The following FMNL3 variants were observed in gnomAD, a reference collection of about 807,000 sequenced individuals.
FMNL3 encodes the protein formin-like protein 3.
In FMNL3, 57 loss-of-function variants were observed where a neutral mutation model predicts 119.6. The observed-to-expected ratio is 0.48, with a 90% CI of 0.39 to 0.59. The LOEUF is 0.59. Among genes scored for constraint, FMNL3 ranks in the 20% least tolerant of loss-of-function variants. The probability of loss-of-function intolerance (pLI) is 0.00; values close to 1 mark genes in which losing one functional copy is unlikely to be tolerated. For missense variants in FMNL3, 1,053 were observed against 1,323.5 expected, an observed-to-expected ratio of 0.80 and a Z score of 3.17; for synonymous variants, 491 against 507.3, an observed-to-expected ratio of 0.97 and a Z score of 0.43.
chr12:49,666,075 C>T (rs530825357), intron 3 of FMNL3, 52 bp downstream of exon 3: 37 of 1,588,168 alleles, frequency 2.3e-5, no homozygotes, highest in Non-Finnish European at 3.0e-5. Context: ...CCCCCAAACC[C>T]CACAGGACTA....
intron 1 of FMNL3, among the ~76,000 whole-genome samples, chr12:49,683,045 G>A (rs189919021): frequency 1.8e-4 from 27 of 152,132 alleles, no homozygotes; most frequent in Non-Finnish European, 3.4e-4. Context: ...TAACTTCCTC[G>A]GGTCCACTTC....
At chr12:49,656,373 A>G (rs1943569738) in intron 9 of FMNL3, 31 bp downstream of exon 9, 1 of 1,585,700 alleles carries the variant, frequency 6.3e-7, no homozygotes, top group Non-Finnish European at 8.6e-7. Context: ...CCGCAAACAC[A>G]CACACACACA....
intron 8 of FMNL3, 144 bp downstream of exon 8, chr12:49,656,679 C>T (rs1202247026): frequency 1.8e-5 from 17 of 922,936 alleles, no homozygotes; most frequent in Middle Eastern, 2.3e-4. Context: ...GAGCCAGGGA[C>T]ACTTCTCTTC....
intron 1 of FMNL3, among the ~76,000 whole-genome samples, chr12:49,685,271 G>C (rs1002006537): frequency 1.3e-5 from 2 of 152,096 alleles, no homozygotes; most frequent in Admixed American, 1.3e-4. Flanking sequence ...GATCACTTGA[G>C]CCCAGGAGTT....
At chr12:49,672,419 T>G (rs557990428) in intron 1 of FMNL3, among the ~76,000 whole-genome samples, 36 of 152,286 alleles carry the variant, frequency 2.4e-4, no homozygotes, top group African/African-American at 8.4e-4. Context: ...TGGGACCGAT[T>G]CCTAAATCAC....
Position 49,663,812 on chromosome 12 carries a change from C to G in FMNL3, c.369-1763G>C, listed in dbSNP as rs566383917. ...TCTCCCAATAAAAGCACACCCCTAT[C>G]CTCAGATGACTACAGCAAGACTTAA... On this transcript the variant is annotated intron_variant, in intron 4 of 25. Coordinates refer to ENST00000335154, the MANE Select transcript of FMNL3 (RefSeq NM_175736.5). Among the ~76,000 whole-genome samples, 6 of 152,342 alleles carry G rather than the reference C, an allele frequency of 3.9e-5. No individual in the cohort carries two copies. In the South Asian group the frequency reaches 1.2e-3, roughly 32 times the overall value.
In FMNL3 at chr12:49,636,623, T is replaced by G. The variant is rs1941844414; in HGVS notation, c.*9192A>C. 1 of 1,566,820 alleles carries G rather than the reference T, an allele frequency of 6.4e-7. No individual in the cohort carries two copies. ...CACCACCCTGGGTATCCCTAGCACC[T>G]GTAGGACAGCATCGTTGAAACATTA... is the stretch of plus-strand genomic sequence containing the variant. On this transcript the variant is annotated 3_prime_UTR_variant, in exon 26 of 26. Transcript: ENST00000335154.
chr12:49,679,015 TAAC>T (rs1387222228), intron 1 of FMNL3, among the ~76,000 whole-genome samples: 2 of 152,056 alleles, frequency 1.3e-5, no homozygotes, highest in Non-Finnish European at 2.9e-5. Flanking sequence ...AGTAGGATAA[TAAC>T]AATAATAACA....
rs1290430579 is a variant in FMNL3, at chr12:49,640,848, T to G, written c.*4967A>C. 6.6e-6 allele frequency: 1 copy of G among 152,180 alleles called. No homozygotes were observed. The highest frequency in any genetic ancestry group is 1.9e-4 in the East Asian group (1 of 5,192). The allele number at this position is 152,180 out of a possible 1,614,324, so 9.4% of individuals were successfully genotyped here. On this transcript the variant is annotated 3_prime_UTR_variant, in exon 26 of 26. Coordinates refer to ENST00000335154, the MANE Select transcript of FMNL3 (RefSeq NM_175736.5). The stretch of plus-strand genomic sequence containing the variant: ...GCATGGTGGAAAGGATGTTCCAGGT[T>G]AGGTGAGGTGTCTGCTTGATGGAAG...
intron 1 of FMNL3, among the ~76,000 whole-genome samples, chr12:49,693,927 C>A (rs1433302248): frequency 6.6e-6 from 1 of 151,924 alleles, no homozygotes; most frequent in African/African-American, 2.4e-5. Flanking sequence ...GGATTACAGG[C>A]ATGAGCCACC....
intron 1 of FMNL3, among the ~76,000 whole-genome samples, chr12:49,682,058 A>G (rs532010418): frequency 6.6e-6 from 1 of 151,562 alleles, no homozygotes; most frequent in Non-Finnish European, 1.5e-5. Context: ...GCAAAATACA[A>G]ATACAATTTC....
chr12:49,655,467 G>A (rs993114265), intron 9 of FMNL3, among the ~76,000 whole-genome samples: 6 of 152,144 alleles, frequency 3.9e-5, no homozygotes, highest in African/African-American at 7.2e-5. Context: ...CCTGCAATCT[G>A]GCTCTGGGTC....
Position 49,665,825 on chromosome 12 carries a change from A to G in FMNL3, c.368+7T>C, listed in dbSNP as rs764410436. The G allele has an allele frequency of 2.5e-6, 4 of 1,614,162 alleles. No homozygotes were observed. In the Admixed American group the frequency reaches 6.7e-5, roughly 27 times the overall value. ...GATGAAGAGGCTATACGGCCAATCC[A>G]ACTCACCCAATGTGGTTGGTGCGAA... On this transcript the variant is annotated splice_region_variant and intron_variant, in intron 4 of 25. Transcript: ENST00000335154.
rs1246986831 is a variant in FMNL3 at position 49,644,596 on chromosome 12, T to C, written c.*1219A>G. The C allele has an allele frequency of 1.3e-5, 3 of 236,000 alleles. No individual in the cohort carries two copies. The highest frequency in any genetic ancestry group is 2.6e-5 in the Non-Finnish European group (3 of 116,900). The allele number at this position is 236,000 out of a possible 1,614,324, so 14.6% of individuals were successfully genotyped here. A position where few individuals can be genotyped will look rare whatever the true frequency, so the allele number is the denominator to read the frequency against. On this transcript the variant is annotated 3_prime_UTR_variant, in exon 26 of 26. Coordinates refer to ENST00000335154, the MANE Select transcript of FMNL3 (RefSeq NM_175736.5). ...CCTGGCCCTGAGGCTCCACCACTTCTTCCTCCACCCAGGACCTAATGTACG... is the reference window on the plus strand; with the variant it reads ...CCTGGCCCTGAGGCTCCACCACTTCCTCCTCCACCCAGGACCTAATGTACG...
Position 49,639,730 on chromosome 12 carries a change from G to GTA in FMNL3, c.*6083_*6084dup, listed in dbSNP as rs1942343497. 6.6e-6 allele frequency: 1 copy of GTA among 152,152 alleles called. No individual in the cohort carries two copies. 9.4% of individuals were successfully genotyped at this position (152,152 alleles called of 1,614,324 possible). ...AACACCAGTGGGATAGAGTCACTAA[G>GTA]TAGAATTGATAGATTTTGTGAAATG... On this transcript the variant is annotated 3_prime_UTR_variant, in exon 26 of 26. Coordinates refer to ENST00000335154, the MANE Select transcript of FMNL3 (RefSeq NM_175736.5).
intron 1 of FMNL3, among the ~76,000 whole-genome samples, chr12:49,672,067 A>G (rs896909979): frequency 6.6e-6 from 1 of 152,226 alleles, no homozygotes; most frequent in African/African-American, 2.4e-5. Flanking sequence ...TGTTCAACAC[A>G]GTCCCCCTCA....
At chr12:49,674,363 T>C (rs1944127905) in intron 1 of FMNL3, among the ~76,000 whole-genome samples, 1 of 152,208 alleles carries the variant, frequency 6.6e-6, no homozygotes, top group Non-Finnish European at 1.5e-5. Context: ...ACACTTCAGC[T>C]GTACCACCCC....
rs1941901893 is a variant in FMNL3, at chr12:49,636,963, T to C, written c.*8852A>G. The C allele has an allele frequency of 6.7e-7, 1 of 1,490,094 alleles. No individual in the cohort carries two copies. The highest frequency in any genetic ancestry group is 1.4e-5 in the African/African-American group (1 of 72,600). The allele number at this position is 1,490,094 out of a possible 1,614,324, so 92.3% of individuals were successfully genotyped here. A position where few individuals can be genotyped will look rare whatever the true frequency, so the allele number is the denominator to read the frequency against. On this transcript the variant is annotated 3_prime_UTR_variant, in exon 26 of 26. Coordinates refer to ENST00000335154, the MANE Select transcript of FMNL3 (RefSeq NM_175736.5). Reference sequence around the variant, plus strand: ...TGCCTGTTCTTTCTGTGCCTAGCCCTGTCCAAGCTCTATGAGACCTCTCTC... The same window carrying C: ...TGCCTGTTCTTTCTGTGCCTAGCCCCGTCCAAGCTCTATGAGACCTCTCTC...
chr12:49,649,911 G>C lies in FMNL3; in HGVS notation c.2015C>G (p.Thr672Arg), dbSNP rs756973588. ...CRAIHTFDLQ[T>R]LPVDFVECLM... ...GCACTCCACGAAGTCCACAGGTAGT[G>C]TCTGCAAGTCAAACCTGTGGAGGAG... Residue 672 changes from threonine to arginine, a missense_variant, in exon 18 of 26, where the codon ACA becomes AGA. By Grantham distance (71) the Thr-to-Arg change is moderately conservative. Coordinates refer to ENST00000335154, the MANE Select transcript of FMNL3 (RefSeq NM_175736.5). This position sits in a 1 kb window ranked among gnomAD's most constrained non-coding sequence, Gnocchi z 5.6. The C allele has an allele frequency of 6.2e-7, 1 of 1,613,712 alleles. No individual in the cohort carries two copies. Among genetic ancestry groups the C allele is most frequent in the Non-Finnish European group, 8.5e-7 (1 of 1,179,918 alleles).
Sources: allele counts gnomAD v4.1 joint callset (sites outside exome capture counted in the v4.1 genomes callset), GRCh38; gene constraint gnomAD v4.1.1; non-coding constraint Gnocchi (gnomAD v3.1); transcripts MANE v1.5; gene names NCBI Gene and HGNC (gene_info 2026-07-23, HGNC 2026-07-21).